SYNE2: variants seen among roughly 807,000 people sequenced by gnomAD.
The protein encoded by SYNE2 is spectrin repeat containing nuclear envelope protein 2, also known as nesprin-2.
In SYNE2, 431 loss-of-function variants were observed where a neutral mutation model predicts 856.3. The observed-to-expected ratio is 0.50, with a 90% CI of 0.47 to 0.55. The LOEUF (loss-of-function observed/expected upper bound fraction) is 0.55. SYNE2 is among the 20% of genes least tolerant of loss of function. The probability of loss-of-function intolerance (pLI) is 0.00; values close to 1 mark genes in which losing one functional copy is unlikely to be tolerated. For missense variants in SYNE2, 8,129 were observed against 8,023.2 expected (o/e 1.01, Z -0.50); for synonymous variants, 2,923 against 2,872.3 (o/e 1.02, Z -0.56).
intron 11 of SYNE2, among the ~76,000 whole-genome samples, chr14:63,971,577 T>C (rs1322291448): frequency 6.6e-6 from 1 of 151,370 alleles, no homozygotes; most frequent in Admixed American, 6.6e-5. Flanking sequence ...GACCATGTTA[T>C]CATTTTTTTT....
At chr14:63,787,288 T>G (rs1442845269) in intron 1 of SYNE2, among the ~76,000 whole-genome samples, 1 of 152,176 alleles carries the variant, frequency 6.6e-6, no homozygotes, top group Non-Finnish European at 1.5e-5. Context: ...ATCTTATTCC[T>G]TCTACGCAAC....
At chr14:64,104,949 G>T (rs947620437) in intron 64 of SYNE2, among the ~76,000 whole-genome samples, 1 of 152,052 alleles carries the variant, frequency 6.6e-6, no homozygotes, top group Non-Finnish European at 1.5e-5. Flanking sequence ...TTCCTTCAAA[G>T]CTTGCTCCTC....
intron 2 of SYNE2, among the ~76,000 whole-genome samples, chr14:63,938,974 A>T (rs367845731): frequency 2.4e-5 from 3 of 122,460 alleles, no homozygotes; most frequent in African/African-American, 7.0e-5. Context: ...GCATGTGTGC[A>T]TGTGAGTGTC....
chr14:63,960,828 T>G (rs1478076823), intron 8 of SYNE2: 4 of 755,708 alleles, frequency 5.3e-6, no homozygotes, highest in Non-Finnish European at 9.7e-6. Context: ...GAGGACTGTT[T>G]GAGGCCAGGA....
chr14:64,026,835 G>C lies in SYNE2; in HGVS notation c.6404+105G>C, dbSNP rs1432791411. On this transcript the variant is annotated intron_variant, in intron 42 of 115. Coordinates refer to ENST00000555002, the MANE Select transcript of SYNE2 (RefSeq NM_182914.3). ...GGGTTTGGATATAATATCTGCTAGA[G>C]AGAAAGTTGGTAATGTCAGGGACAT... 2.8e-5 allele frequency: 39 copies of C among 1,379,556 alleles called. No homozygotes were observed. In the South Asian group the frequency reaches 4.3e-4, roughly 15 times the overall value. The allele number at this position is 1,379,556 out of a possible 1,614,324, so 85.5% of individuals were successfully genotyped here. A position where few individuals can be genotyped will look rare whatever the true frequency, so the allele number is the denominator to read the frequency against.
chr14:64,144,171 T>C (rs2098163137), intron 83 of SYNE2, among the ~76,000 whole-genome samples: 1 of 152,208 alleles, frequency 6.6e-6, no homozygotes, highest in South Asian at 2.1e-4. Flanking sequence ...GAAATTGAGC[T>C]AGGCAAGTGA....
intron 50 of SYNE2, among the ~76,000 whole-genome samples, chr14:64,064,036 TTC>T (rs1421164327): frequency 6.0e-4 from 91 of 152,212 alleles, no homozygotes; most frequent in African/African-American, 2.2e-3. Flanking sequence ...TGTGGTCTCT[TTC>T]TCTCAAAATA....
At chr14:63,762,860 C>T (rs891930513) in intron 1 of SYNE2, among the ~76,000 whole-genome samples, 28 of 152,082 alleles carry the variant, frequency 1.8e-4, no homozygotes, top group African/African-American at 6.8e-4. Flanking sequence ...TTGTAGAATG[C>T]TAACAAATGG....
At chr14:63,936,286 G>T (rs12878653) in intron 2 of SYNE2, among the ~76,000 whole-genome samples, 110,742 of 152,104 alleles carry the variant, frequency 0.73, 40,507 homozygotes, top group South Asian at 0.79. Flanking sequence ...GTTGTGGTGC[G>T]TAAATTCTGT....
chr14:64,137,653 A>T (rs111785091), intron 78 of SYNE2, 134 bp from the exon 79 acceptor site: 22 of 901,168 alleles, frequency 2.4e-5, no homozygotes, highest in African/African-American at 1.3e-4. Context: ...GTCAGACTAT[A>T]TAGTCTTGAA....
intron 1 of SYNE2, among the ~76,000 whole-genome samples, chr14:63,783,265 G>T (rs1887386725): frequency 6.6e-6 from 1 of 152,176 alleles, no homozygotes; most frequent in African/African-American, 2.4e-5. Flanking sequence ...TGTGAAGAGG[G>T]TATCTTGCTT....
At chr14:64,219,106 T>TTTTG in intron 109 of SYNE2, 102 bp from the exon 110 acceptor site, 25 of 478,294 alleles carry the variant, frequency 5.2e-5, no homozygotes, top group African/African-American at 1.4e-4. Flanking sequence ...GTTTTTTTGT[T>TTTTG]TTTTTTTTTT....
In SYNE2 at chr14:64,062,663, A is replaced by G; in HGVS notation, c.10068-88A>G. The G allele has an allele frequency of 2.4e-6, 3 of 1,231,388 alleles. No individual in the cohort carries two copies. The South Asian group carries it at 3.9e-5, about 16-fold the overall frequency. The allele number at this position is 1,231,388 out of a possible 1,614,324, so 76.3% of individuals were successfully genotyped here. ...GTTGTCATATCTTTTCTTAAAAATTAAGTGTGGAATATTTATTCTGGGAAA... is the reference window on the plus strand; with the variant it reads ...GTTGTCATATCTTTTCTTAAAAATTGAGTGTGGAATATTTATTCTGGGAAA... On this transcript the variant is annotated intron_variant, in intron 49 of 115. Coordinates refer to ENST00000555002, the MANE Select transcript of SYNE2 (RefSeq NM_182914.3).
chr14:64,007,634 T>C (rs1039964564), intron 31 of SYNE2, among the ~76,000 whole-genome samples: 7 of 152,140 alleles, frequency 4.6e-5, no homozygotes, highest in Non-Finnish European at 1.0e-4. Flanking sequence ...CCCAGCACTT[T>C]GTGAGGCTGA....
intron 1 of SYNE2, among the ~76,000 whole-genome samples, chr14:63,816,666 G>A (rs891852298): frequency 6.6e-6 from 1 of 151,066 alleles, no homozygotes; most frequent in Non-Finnish European, 1.5e-5. Flanking sequence ...TGAAGATGAA[G>A]TGTGACAGAG....
intron 84 of SYNE2, 89 bp downstream of exon 84, chr14:64,146,312 TG>T: frequency 8.1e-7 from 1 of 1,236,602 alleles, no homozygotes; most frequent in Non-Finnish European, 1.1e-6. Flanking sequence ...CTGTAGTTTG[TG>T]GAAACTCTCT....
intron 67 of SYNE2, among the ~76,000 whole-genome samples, chr14:64,120,689 A>T (rs1388664629): frequency 6.6e-6 from 1 of 152,110 alleles, no homozygotes; most frequent in Non-Finnish European, 1.5e-5. Context: ...CTTGAACCCA[A>T]GAGGTGGAGG....
chr14:64,155,030 G>A (rs1280110349), intron 85 of SYNE2, among the ~76,000 whole-genome samples: 1 of 152,114 alleles, frequency 6.6e-6, no homozygotes, highest in Non-Finnish European at 1.5e-5. Context: ...ACTGCTGGCC[G>A]GGTTCCATGG....
intron 61 of SYNE2, 84 bp downstream of exon 61, chr14:64,093,564 G>C: frequency 2.0e-6 from 3 of 1,521,432 alleles, no homozygotes; most frequent in Non-Finnish European, 2.7e-6. Flanking sequence ...TGGTGTCTAG[G>C]AGCCTTTCTA....
Sources: gnomAD v4.1 joint callset for allele counts (sites outside exome capture counted in the v4.1 genomes callset) on GRCh38, gnomAD v4.1.1 for gene constraint, MANE v1.5 for transcripts, NCBI Gene and HGNC (gene_info 2026-07-23, HGNC 2026-07-21) for gene names.